Variants in NLGN1 observed in about 807,000 individuals in gnomAD.
The protein encoded by NLGN1 is neuroligin 1.
In NLGN1, 12 loss-of-function variants were observed where a neutral mutation model predicts 65.5. That is an observed-to-expected ratio of 0.18 (90% CI 0.12 to 0.30). NLGN1 has a LOEUF of 0.30. Among genes scored for constraint, NLGN1 ranks in the 10% least tolerant of loss-of-function variants. The pLI, the probability that NLGN1 is intolerant of heterozygous loss-of-function variation, is 1.00. For synonymous variants in NLGN1, 350 were observed against 359.5 expected (o/e 0.97, Z 0.30); for missense variants, 750 against 1,007.1 (o/e 0.74, Z 3.46).
At chr3:173,725,996 G>C (rs1011394234) in intron 3 of NLGN1, among the ~76,000 whole-genome samples, 1 of 152,080 alleles carries the variant, frequency 6.6e-6, no homozygotes, top group Admixed American at 6.6e-5. Context: ...TTAAGCTCCA[G>C]TATGCCCAGC....
intron 3 of NLGN1, among the ~76,000 whole-genome samples, chr3:173,773,675 A>G (rs1347640359): frequency 6.6e-6 from 1 of 152,212 alleles, no homozygotes; most frequent in Non-Finnish European, 1.5e-5. Context: ...TGCTGGAGAT[A>G]TAATGGTAGG....
intron 4 of NLGN1, among the ~76,000 whole-genome samples, chr3:173,972,499 G>C (rs547982379): frequency 1.3e-5 from 2 of 152,136 alleles, no homozygotes; most frequent in Non-Finnish European, 2.9e-5. Context: ...TCCCAAAGAA[G>C]TGTGAGTGGA....
intron 3 of NLGN1, among the ~76,000 whole-genome samples, chr3:173,757,831 A>G (rs1396107317): frequency 6.6e-6 from 1 of 152,108 alleles, no homozygotes. Flanking sequence ...ACTGAAGTTT[A>G]TAATACGATG....
chr3:174,015,575 A>G (rs1726390573), intron 4 of NLGN1, among the ~76,000 whole-genome samples: 1 of 152,168 alleles, frequency 6.6e-6, no homozygotes, highest in African/African-American at 2.4e-5. Flanking sequence ...ATGTTGGGGG[A>G]ACACAATTCA....
chr3:174,285,852 CTATAT>C (rs1461727590), exon 7 of NLGN1: 1 of 151,268 alleles, frequency 6.6e-6, no homozygotes, highest in Non-Finnish European at 1.5e-5. Flanking sequence ...AATAGGATGA[CTATAT>C]TATAAATTAC....
intron 4 of NLGN1, among the ~76,000 whole-genome samples, chr3:174,215,135 G>C (rs1295726415): frequency 1.3e-5 from 2 of 151,646 alleles, no homozygotes; most frequent in Non-Finnish European, 2.9e-5. Context: ...TTCTCGGTTG[G>C]GTTACCTAAA....
intron 4 of NLGN1, among the ~76,000 whole-genome samples, chr3:173,820,349 ATAT>A (rs1720032857): frequency 6.6e-6 from 1 of 152,134 alleles, no homozygotes; most frequent in Non-Finnish European, 1.5e-5. Context: ...TACATTTCCC[ATAT>A]TATTTGCATT....
At chr3:173,499,326 G>T (rs1290394832) in intron 2 of NLGN1, among the ~76,000 whole-genome samples, 2 of 151,642 alleles carry the variant, frequency 1.3e-5, no homozygotes, top group African/African-American at 4.9e-5. Flanking sequence ...TTTCCCCATT[G>T]CTTGTTTTTC....
upstream of NLGN1, among the ~76,000 whole-genome samples, chr3:173,397,552 TG>T (rs1260045780): frequency 2.8e-5 from 4 of 140,362 alleles, no homozygotes; most frequent in Admixed American, 6.7e-5. Flanking sequence ...CTGCCCCCTC[TG>T]TCCTTTCTTC....
chr3:173,617,399 A>G (rs73174591), intron 3 of NLGN1, among the ~76,000 whole-genome samples: 13,364 of 152,240 alleles, frequency 0.088, 719 homozygotes, highest in South Asian at 0.21. Flanking sequence ...TGAAAACATA[A>G]TCAACCTTAA....
intron 4 of NLGN1, among the ~76,000 whole-genome samples, chr3:174,133,426 G>A (rs1402249058): frequency 6.6e-6 from 1 of 152,096 alleles, no homozygotes; most frequent in Non-Finnish European, 1.5e-5. Flanking sequence ...TCCCAACAGT[G>A]TAAGTCTGGA....
At chr3:174,106,991 C>CAG (rs1713989613) in intron 4 of NLGN1, among the ~76,000 whole-genome samples, 2 of 102,370 alleles carry the variant, frequency 2.0e-5, no homozygotes, top group African/African-American at 9.6e-5. Flanking sequence ...CACACACACA[C>CAG]ACACACACAC....
intron 4 of NLGN1, among the ~76,000 whole-genome samples, chr3:174,074,390 A>T (rs1740488910): frequency 6.6e-6 from 1 of 152,184 alleles, no homozygotes; most frequent in Non-Finnish European, 1.5e-5. Context: ...AATGATGTTT[A>T]CTTTAGTAGA....
At chr3:173,655,775 C>T (rs764222592) in intron 3 of NLGN1, among the ~76,000 whole-genome samples, 7 of 150,802 alleles carry the variant, frequency 4.6e-5, no homozygotes, top group Middle Eastern at 7.0e-3. Context: ...AAAAATCTGA[C>T]ACTACATGTA....
At chr3:174,062,770 C>G (rs1472651346) in intron 4 of NLGN1, among the ~76,000 whole-genome samples, 1 of 151,820 alleles carries the variant, frequency 6.6e-6, no homozygotes, top group Non-Finnish European at 1.5e-5. Flanking sequence ...ATACATTTTT[C>G]TTTTATCTCT....
intron 4 of NLGN1, among the ~76,000 whole-genome samples, chr3:174,013,793 C>G (rs531572238): frequency 2.0e-5 from 3 of 152,098 alleles, no homozygotes; most frequent in Admixed American, 6.6e-5. Flanking sequence ...GGCTCACTGC[C>G]GCAGCCTCAA....
intron 3 of NLGN1, chr3:173,644,328 A>T (rs1757902688): frequency 6.4e-6 from 1 of 157,462 alleles, no homozygotes; most frequent in African/African-American, 2.4e-5. Context: ...GGAGTCCATG[A>T]TGAACTTGAA....
intron 2 of NLGN1, among the ~76,000 whole-genome samples, chr3:173,563,127 G>A (rs1682815901): frequency 6.6e-6 from 1 of 152,174 alleles, no homozygotes; most frequent in Non-Finnish European, 1.5e-5. Flanking sequence ...TTCACTGAAT[G>A]AAATAATACA....
At chr3:173,570,075 C>A (rs1744385451) in intron 2 of NLGN1, among the ~76,000 whole-genome samples, 1 of 152,108 alleles carries the variant, frequency 6.6e-6, no homozygotes, top group African/African-American at 2.4e-5. Flanking sequence ...GTAGGCTTAA[C>A]CCCAACCTAT....
Sources: gnomAD v4.1 joint callset for allele counts (sites outside exome capture counted in the v4.1 genomes callset) on GRCh38, gnomAD v4.1.1 for gene constraint, MANE v1.5 for transcripts, NCBI Gene and HGNC (gene_info 2026-07-23, HGNC 2026-07-21) for gene names.